CDYL2: variants seen among roughly 807,000 people sequenced by gnomAD.
The protein encoded by CDYL2 is chromodomain Y like 2, also known as chromodomain Y-like protein 2.
CDYL2 carries 23 observed loss-of-function variants against 49.4 expected under a neutral mutation model. The observed-to-expected ratio is 0.47, with a 90% CI of 0.34 to 0.66. The LOEUF (loss-of-function observed/expected upper bound fraction) is 0.66, where lower values mean the gene tolerates loss of function less well. Among genes scored for constraint, CDYL2 ranks in the 30% least tolerant of loss-of-function variants. The pLI is 0.01. For synonymous variants in CDYL2, 360 were observed against 268.8 expected (o/e 1.34, Z -3.32); for missense variants, 678 against 656.4 (o/e 1.03, Z -0.36).
chr16:80,614,640 T>G (rs1048958387), intron 4 of CDYL2, among the ~76,000 whole-genome samples: 19 of 152,248 alleles, frequency 1.2e-4, no homozygotes, highest in Non-Finnish European at 4.4e-5. Context: ...CCGAGGTGGA[T>G]GGATCACAAG....
At chr16:80,659,550 A>G (rs1043669330) in intron 2 of CDYL2, among the ~76,000 whole-genome samples, 3 of 151,934 alleles carry the variant, frequency 2.0e-5, no homozygotes, top group African/African-American at 7.3e-5. Context: ...TATAGTCTAC[A>G]CTCAGATGGT....
chr16:80,718,678 C>T (rs1012984651), intron 1 of CDYL2, among the ~76,000 whole-genome samples: 2 of 152,200 alleles, frequency 1.3e-5, no homozygotes, highest in Non-Finnish European at 2.9e-5. Flanking sequence ...TAACCTGACA[C>T]TCAAGGCCAC....
rs1906026709 is a variant in CDYL2 at position 80,600,329 on chromosome 16, T to C, written c.*4059A>G. ...AAAATATTGCCTAAAACGCATATCC[T>C]AACTTATCACAGAAATATAAAAGTT... On this transcript the variant is annotated 3_prime_UTR_variant, in exon 7 of 7. Transcript: ENST00000570137. 6.6e-6 allele frequency: 1 copy of C among 152,220 alleles called. No individual in the cohort carries two copies. Among genetic ancestry groups the C allele is most frequent in the Non-Finnish European group, 1.5e-5 (1 of 68,030 alleles). 9.4% of individuals were successfully genotyped at this position (152,220 alleles called of 1,614,324 possible).
rs144998027 is a variant in CDYL2 at position 80,612,925 on chromosome 16, G to T, written c.1008-89C>A. The T allele has an allele frequency of 3.3e-6, 4 of 1,228,316 alleles. No individual in the cohort carries two copies. The highest frequency in any genetic ancestry group is 3.1e-5 in the African/African-American group (2 of 65,500). The allele number at this position is 1,228,316 out of a possible 1,614,324, so 76.1% of individuals were successfully genotyped here. A position where few individuals can be genotyped will look rare whatever the true frequency, so the allele number is the denominator to read the frequency against. ...TTGACTCTCCCAGGTGCTGTGAGGA[G>T]CACCCTCAGGTCGTCAGAGGTTAGA... On this transcript the variant is annotated intron_variant, in intron 4 of 6. Transcript: ENST00000570137. The surrounding 1 kb of genome is among the most constrained non-coding windows in gnomAD (Gnocchi z 5.0).
chr16:80,738,605 G>C (rs1418388232), intron 1 of CDYL2: 1 of 152,230 alleles, frequency 6.6e-6, no homozygotes, highest in East Asian at 1.9e-4. Flanking sequence ...CAGGGCTAAG[G>C]TGGGGACACA....
chr16:80,626,688 T>A (rs1055413026), intron 3 of CDYL2, among the ~76,000 whole-genome samples: 2 of 152,094 alleles, frequency 1.3e-5, no homozygotes, highest in Non-Finnish European at 2.9e-5. Context: ...ACAGAAGAGA[T>A]GATAAGTGAG....
chr16:80,660,085 C>T (rs147832536), intron 2 of CDYL2, among the ~76,000 whole-genome samples: 3 of 151,856 alleles, frequency 2.0e-5, no homozygotes, highest in African/African-American at 4.8e-5. Context: ...CAATTTTATA[C>T]CCAGCTAAAG....
At chr16:80,635,270 T>A (rs907820407) in intron 2 of CDYL2, among the ~76,000 whole-genome samples, 4 of 152,190 alleles carry the variant, frequency 2.6e-5, no homozygotes, top group Admixed American at 2.6e-4. Flanking sequence ...GACTTCCTAG[T>A]CCAATTGTCT....
chr16:80,629,793 G>A (rs1907471232), intron 3 of CDYL2, among the ~76,000 whole-genome samples: 1 of 152,162 alleles, frequency 6.6e-6, no homozygotes, highest in Non-Finnish European at 1.5e-5. Context: ...GAAAGTGGTC[G>A]CCTTCTGGTT....
chr16:80,710,471 T>G (rs74028399), intron 1 of CDYL2, among the ~76,000 whole-genome samples: 3,535 of 152,260 alleles, frequency 0.023, 144 homozygotes, highest in African/African-American at 0.082. Context: ...CACTAAAGTG[T>G]TGATTGTGAC....
intron 1 of CDYL2, among the ~76,000 whole-genome samples, chr16:80,777,531 A>G (rs1053714657): frequency 6.6e-6 from 1 of 152,160 alleles, no homozygotes; most frequent in Non-Finnish European, 1.5e-5. Context: ...TAGGAAAGAG[A>G]TGAAGGGTAT....
At position 80,604,170 on chromosome 16, in the gene CDYL2, G is replaced by A. The variant is rs1048345476; in HGVS notation, c.*218C>T. The A allele has an allele frequency of 4.4e-5, 26 of 586,928 alleles. No homozygotes were observed. The highest frequency in any genetic ancestry group is 4.5e-4 in the Middle Eastern group (1 of 2,234). 36.4% of individuals were successfully genotyped at this position (586,928 alleles called of 1,614,324 possible). On this transcript the variant is annotated 3_prime_UTR_variant, in exon 7 of 7. Coordinates refer to ENST00000570137, the MANE Select transcript of CDYL2 (RefSeq NM_152342.4). ...ACAGCCTTGGACAGCTCTCTGGCCA[G>A]GAAGGGCAGGGAGGTGGGGGAGGCC...
At chr16:80,626,220 T>G (rs958351122) in intron 3 of CDYL2, among the ~76,000 whole-genome samples, 1 of 136,376 alleles carries the variant, frequency 7.3e-6, no homozygotes, top group Non-Finnish European at 1.5e-5. Flanking sequence ...GAGGTTGCAG[T>G]GAACCGAGAT....
chr16:80,792,466 G>A (rs746129854), intron 1 of CDYL2, among the ~76,000 whole-genome samples: 3 of 152,166 alleles, frequency 2.0e-5, no homozygotes, highest in Admixed American at 6.5e-5. Context: ...TTGCAATGGG[G>A]AGTCAAAGAA....
intron 2 of CDYL2, among the ~76,000 whole-genome samples, chr16:80,668,695 T>A (rs1909373591): frequency 6.6e-6 from 1 of 152,012 alleles, no homozygotes; most frequent in African/African-American, 2.4e-5. Context: ...GGTCAGGAGT[T>A]TGAGACCAGC....
rs771004207 is a variant in CDYL2 at position 80,604,119 on chromosome 16, G to A, written c.*269C>T. ...TTTCAGCAAGTGGGGAAAGGACAGC[G>A]GTGCTTGGCGGAGCCCTGGGAAGAT... On this transcript the variant is annotated 3_prime_UTR_variant, in exon 7 of 7. Coordinates refer to ENST00000570137, the MANE Select transcript of CDYL2 (RefSeq NM_152342.4). The A allele has an allele frequency of 1.9e-5, 9 of 485,074 alleles. No individual in the cohort carries two copies. Among genetic ancestry groups the A allele is most frequent in the Admixed American group, 6.6e-5 (2 of 30,158 alleles). 30.0% of individuals were successfully genotyped at this position (485,074 alleles called of 1,614,324 possible).
intron 3 of CDYL2, among the ~76,000 whole-genome samples, chr16:80,626,651 G>A (rs183591855): frequency 5.9e-5 from 9 of 152,326 alleles, no homozygotes; most frequent in East Asian, 1.9e-4. Flanking sequence ...AAGGCATGGC[G>A]TGTGCCTGGG....
Position 80,788,917 on chromosome 16 carries a change from CT to C in CDYL2, c.24+15232del, listed in dbSNP as rs796673442. ...ACAAGAAAAAAACAAACAACTATGA[CT>C]GTTTTGTTTGTTTGTTTTCAACCAT... On this transcript the variant is annotated intron_variant, in intron 1 of 6. Coordinates refer to ENST00000570137, the MANE Select transcript of CDYL2 (RefSeq NM_152342.4). 1.2e-3 allele frequency among the ~76,000 whole-genome samples: 189 copies of C among 152,248 alleles called. 1 individual carries two copies. Among genetic ancestry groups the C allele is most frequent in the African/African-American group, 4.4e-3 (183 of 41,542 alleles).
chr16:80,761,080 G>A (rs531419188), intron 1 of CDYL2, among the ~76,000 whole-genome samples: 1 of 152,324 alleles, frequency 6.6e-6, no homozygotes, highest in Admixed American at 6.5e-5. Context: ...TCCCACAAAG[G>A]AGAGAGGGTA....
Sources: allele counts gnomAD v4.1 joint callset (sites outside exome capture counted in the v4.1 genomes callset), GRCh38; gene constraint gnomAD v4.1.1; non-coding constraint Gnocchi (gnomAD v3.1); transcripts MANE v1.5; gene names NCBI Gene and HGNC (gene_info 2026-07-23, HGNC 2026-07-21).